Variants in CGNL1 observed in about 807,000 individuals in gnomAD.
CGNL1 encodes the protein cingulin like 1.
CGNL1 carries 132 observed loss-of-function variants against 141.2 expected under a neutral mutation model. The ratio of observed to expected loss-of-function variants is 0.93; its 90% CI spans 0.81 to 1.08. The LOEUF (loss-of-function observed/expected upper bound fraction) is 1.08, where lower values mean the gene tolerates loss of function less well. Among genes scored for constraint, CGNL1 ranks in the 50% least tolerant of loss-of-function variants. The pLI, the probability that CGNL1 is intolerant of heterozygous loss-of-function variation, is 0.00. For missense variants in CGNL1, 1,870 were observed against 1,588.6 expected, an observed-to-expected ratio of 1.18 and a Z score of -3.01; for synonymous variants, 690 against 622.1, an observed-to-expected ratio of 1.11 and a Z score of -1.63.
At chr15:57,470,988 G>A (rs2063574682) in intron 8 of CGNL1, among the ~76,000 whole-genome samples, 3 of 152,164 alleles carry the variant, frequency 2.0e-5, no homozygotes, top group Admixed American at 2.0e-4. Flanking sequence ...TTGGGACGTT[G>A]GTGTACCTCG....
rs750529803 is a variant in CGNL1, at chr15:57,523,562, A to G, written c.2789A>G (p.Glu930Gly). 1 of 1,614,184 alleles carries G rather than the reference A, an allele frequency of 6.2e-7. No homozygotes were observed. Among genetic ancestry groups the G allele is most frequent in the Admixed American group, 1.7e-5 (1 of 60,028 alleles). The change falls in exon 11 of 19, where the codon GAG becomes GGG. Residue 930 changes from glutamate to glycine, a missense_variant. Transcript: ENST00000281282. The part of the protein sequence containing the change: ...EKLKEESEQK[E>G]QLRRLKNEME... Reference sequence around the variant, plus strand: ...CTCAAAGAGGAGAGTGAGCAGAAGGAGCAGCTAAGAAGGTTGAAGAACGAG... The same window carrying G: ...CTCAAAGAGGAGAGTGAGCAGAAGGGGCAGCTAAGAAGGTTGAAGAACGAG...
intron 1 of CGNL1, among the ~76,000 whole-genome samples, chr15:57,383,724 G>A (rs1191133214): frequency 2.0e-5 from 3 of 151,580 alleles, no homozygotes; most frequent in Admixed American, 6.6e-5. Context: ...CCAGACTCAG[G>A]CTCAAGTGAT....
intron 1 of CGNL1, 23 bp from the exon 2 acceptor site, chr15:57,437,962 T>C (rs2063126974): frequency 1.3e-6 from 2 of 1,580,608 alleles, no homozygotes; most frequent in Non-Finnish European, 1.7e-6. Context: ...ATGTCCTCTT[T>C]TTACCCCATC....
chr15:57,440,556 C>A, intron 3 of CGNL1, 85 bp downstream of exon 3: 2 of 1,034,510 alleles, frequency 1.9e-6, no homozygotes, highest in South Asian at 1.4e-5. Context: ...TTAATGGTTA[C>A]CTTCCTTTCT....
chr15:57,544,607 GC>G lies in CGNL1; in HGVS notation c.3500+13del. 1.3e-6 allele frequency: 2 copies of G among 1,567,274 alleles called. No homozygotes were observed. The highest frequency in any genetic ancestry group is 1.7e-6 in the Non-Finnish European group (2 of 1,155,498). On this transcript the variant is annotated intron_variant, in intron 16 of 18. Coordinates refer to ENST00000281282, the MANE Select transcript of CGNL1 (RefSeq NM_032866.5). The stretch of plus-strand genomic sequence containing the variant: ...TGGAGAGTGAGGAGAGGTGAGCCGG[GC>G]CCACCCACTGCAGTGCGGAGGCCCC...
intron 8 of CGNL1, among the ~76,000 whole-genome samples, chr15:57,465,295 A>G (rs2152337567): frequency 6.6e-6 from 1 of 151,978 alleles, no homozygotes; most frequent in African/African-American, 2.4e-5. Context: ...TCTGGTAAAT[A>G]ATGTTTCTTA....
At chr15:57,477,634 A>T (rs2063673635) in intron 8 of CGNL1, 1 of 151,892 alleles carries the variant, frequency 6.6e-6, no homozygotes, top group African/African-American at 2.4e-5. Context: ...GCATTTCATG[A>T]CTCTAAGCCT....
intron 1 of CGNL1, among the ~76,000 whole-genome samples, chr15:57,385,476 A>G (rs1160494802): frequency 6.6e-6 from 1 of 152,162 alleles, no homozygotes; most frequent in Non-Finnish European, 1.5e-5. Flanking sequence ...GTGCCACTGC[A>G]CTCCAGCCTG....
At chr15:57,541,658 T>C (rs1399138810) in intron 14 of CGNL1, among the ~76,000 whole-genome samples, 1 of 152,196 alleles carries the variant, frequency 6.6e-6, no homozygotes, top group Non-Finnish European at 1.5e-5. Flanking sequence ...ATGTTTATGC[T>C]ACAGCTGCAT....
chr15:57,542,828 C>T (rs116828975), intron 14 of CGNL1, among the ~76,000 whole-genome samples: 1 of 152,172 alleles, frequency 6.6e-6, no homozygotes, highest in Non-Finnish European at 1.5e-5. Flanking sequence ...TGGAAACAGC[C>T]TGAGAACATC....
At chr15:57,449,727 T>C (rs992769383) in intron 4 of CGNL1, among the ~76,000 whole-genome samples, 3 of 152,212 alleles carry the variant, frequency 2.0e-5, no homozygotes, top group Non-Finnish European at 4.4e-5. Context: ...TGTTCCTTTC[T>C]CTCCCCTAAC....
chr15:57,501,718 G>A (rs1285946079), intron 8 of CGNL1, among the ~76,000 whole-genome samples: 2 of 152,172 alleles, frequency 1.3e-5, no homozygotes, highest in Admixed American at 1.3e-4. Context: ...GGAGCCATCC[G>A]AGAGCTGCAC....
Position 57,390,645 on chromosome 15 carries a change from C to T in CGNL1, c.-16+14078C>T, listed in dbSNP as rs1291156498. Among the ~76,000 whole-genome samples, 3 of 152,156 alleles carry T rather than the reference C, an allele frequency of 2.0e-5. No homozygotes were observed. The South Asian group carries it at 6.2e-4, about 32-fold the overall frequency. On this transcript the variant is annotated intron_variant, in intron 1 of 18. Coordinates refer to ENST00000281282, the MANE Select transcript of CGNL1 (RefSeq NM_032866.5). ...CTTTTGGGAGCTTGCGAGACCTAGG[C>T]TGACTGGGTGAAAAATCATATGCAT... is the stretch of plus-strand genomic sequence containing the variant.
chr15:57,529,609 C>CACACACACACACACACAT (rs71116519), intron 13 of CGNL1, among the ~76,000 whole-genome samples: 3 of 140,970 alleles, frequency 2.1e-5, no homozygotes, highest in East Asian at 4.2e-4. Flanking sequence ...CACACACACA[C>CACACACACACACACACAT]GCCCCAGTAG....
chr15:57,512,995 A>G (rs545314505), intron 8 of CGNL1, among the ~76,000 whole-genome samples: 6 of 152,030 alleles, frequency 3.9e-5, no homozygotes, highest in African/African-American at 1.4e-4. Context: ...CATATAGCAT[A>G]TAATTCATAT....
intron 8 of CGNL1, among the ~76,000 whole-genome samples, chr15:57,498,035 G>GT (rs2063967048): frequency 1.3e-5 from 2 of 152,036 alleles, no homozygotes; most frequent in African/African-American, 4.8e-5. Flanking sequence ...GGCATGTGCT[G>GT]TTTTTTTTCC....
intron 8 of CGNL1, among the ~76,000 whole-genome samples, chr15:57,506,863 C>T (rs2064110650): frequency 6.6e-6 from 1 of 152,196 alleles, no homozygotes; most frequent in African/African-American, 2.4e-5. Flanking sequence ...GAAGAACAAG[C>T]AGGACCAATT....
intron 1 of CGNL1, among the ~76,000 whole-genome samples, chr15:57,427,881 G>A (rs1280587107): frequency 6.6e-6 from 1 of 152,180 alleles, no homozygotes; most frequent in Non-Finnish European, 1.5e-5. Flanking sequence ...GCCCCCTTGA[G>A]GCTGTGGATC....
chr15:57,473,161 C>T (rs2063604472), intron 8 of CGNL1, among the ~76,000 whole-genome samples: 1 of 152,096 alleles, frequency 6.6e-6, no homozygotes, highest in African/African-American at 2.4e-5. Context: ...CAGTCACAGC[C>T]ACCATAATAT....
Sources: gnomAD v4.1 joint callset for allele counts (sites outside exome capture counted in the v4.1 genomes callset) on GRCh38, gnomAD v4.1.1 for gene constraint, MANE v1.5 for transcripts, NCBI Gene and HGNC (gene_info 2026-07-23, HGNC 2026-07-21) for gene names.